The following CPXM2 variants were observed in gnomAD, a reference collection of about 807,000 sequenced individuals.
The protein encoded by CPXM2 is carboxypeptidase X, M14 family member 2, also known as inactive carboxypeptidase-like protein X2.
Under a neutral mutation model 86.1 loss-of-function variants are expected in CPXM2, and 66 were observed. The ratio of observed to expected loss-of-function variants is 0.77; its 90% confidence interval spans 0.63 to 0.94. The LOEUF is 0.94. Among genes scored for constraint, CPXM2 ranks in the 40% least tolerant of loss-of-function variants. The pLI is 0.00. For synonymous variants in CPXM2, 388 were observed against 400.2 expected, an observed-to-expected ratio of 0.97 and a Z score of 0.36; for missense variants, 948 against 1,026.3, an observed-to-expected ratio of 0.92 and a Z score of 1.04.
chr10:123,913,608 GA>G (rs1945508286), intron 2 of CPXM2: 1 of 168,924 alleles, frequency 5.9e-6, no homozygotes, highest in Non-Finnish European at 1.3e-5. Context: ...AATAGATGAG[GA>G]AATCAGGGCA....
chr10:123,761,695 G>A (rs1846342086), intron 11 of CPXM2, among the ~76,000 whole-genome samples, 177 bp downstream of exon 11: 2 of 152,154 alleles, frequency 1.3e-5, no homozygotes, highest in Non-Finnish European at 2.9e-5. Flanking sequence ...CTGGGGCAAG[G>A]ATGGAAGGAG....
intron 2 of CPXM2, among the ~76,000 whole-genome samples, chr10:123,936,843 T>G (rs1483869916): frequency 1.3e-5 from 2 of 152,154 alleles, no homozygotes; most frequent in African/African-American, 4.8e-5. Flanking sequence ...TTCCTCTTCC[T>G]CTGTGGGTAG....
At chr10:123,813,200 C>T (rs1847732798) in intron 4 of CPXM2, among the ~76,000 whole-genome samples, 1 of 152,092 alleles carries the variant, frequency 6.6e-6, no homozygotes, top group South Asian at 2.1e-4. Flanking sequence ...TTCTTCTTTC[C>T]TTGAAAGAGC....
intron 4 of CPXM2, among the ~76,000 whole-genome samples, chr10:123,841,988 T>A (rs1168269014): frequency 6.6e-6 from 1 of 152,246 alleles, no homozygotes; most frequent in Non-Finnish European, 1.5e-5. Context: ...GTGTACTCAC[T>A]GTTTGTCCAG....
chr10:123,872,045 C>A (rs930232199), intron 2 of CPXM2, among the ~76,000 whole-genome samples: 1 of 152,112 alleles, frequency 6.6e-6, no homozygotes, highest in Admixed American at 6.5e-5. Context: ...TAAAGGCTGA[C>A]AATATCAAAT....
chr10:123,801,490 TC>T (rs1847457435), intron 4 of CPXM2, among the ~76,000 whole-genome samples: 1 of 152,006 alleles, frequency 6.6e-6, no homozygotes, highest in South Asian at 2.1e-4. Context: ...CAATTTTAAC[TC>T]CCGCATTTTC....
intron 11 of CPXM2, among the ~76,000 whole-genome samples, chr10:123,759,328 C>A (rs528600223): frequency 6.6e-6 from 1 of 152,290 alleles, no homozygotes; most frequent in East Asian, 1.9e-4. Flanking sequence ...TCACTTCCAC[C>A]CTTTTCGTCC....
intron 2 of CPXM2, among the ~76,000 whole-genome samples, chr10:123,866,240 T>C (rs964095737): frequency 7.2e-5 from 11 of 152,122 alleles, no homozygotes; most frequent in Admixed American, 7.2e-4. Flanking sequence ...GCACCGTCTA[T>C]GCCACTCAGC....
chr10:123,843,307 T>G (rs1848425474), intron 3 of CPXM2: 2 of 455,690 alleles, frequency 4.4e-6, no homozygotes, highest in Non-Finnish European at 8.8e-6. Context: ...CTCTGGAATT[T>G]TCTCTATATT....
At chr10:123,859,161 AAC>A (rs1345291239) in intron 3 of CPXM2, among the ~76,000 whole-genome samples, 2 of 152,250 alleles carry the variant, frequency 1.3e-5, no homozygotes, top group African/African-American at 2.4e-5. Context: ...TAGGGTATTA[AAC>A]ACAGTTTCTA....
chr10:123,943,796 C>G (rs1047557329), upstream of CPXM2, among the ~76,000 whole-genome samples: 6 of 152,148 alleles, frequency 3.9e-5, no homozygotes, highest in African/African-American at 7.2e-5. Context: ...AAACACAGTC[C>G]GTCTTGGGCC....
chr10:123,873,441 T>C (rs556156489), intron 2 of CPXM2, among the ~76,000 whole-genome samples: 17 of 152,348 alleles, frequency 1.1e-4, no homozygotes, highest in Non-Finnish European at 1.9e-4. Context: ...TTCTCCCAAA[T>C]TGATTCGTAA....
chr10:123,852,587 T>C (rs1458246880), intron 3 of CPXM2, among the ~76,000 whole-genome samples: 1 of 152,186 alleles, frequency 6.6e-6, no homozygotes, highest in African/African-American at 2.4e-5. Flanking sequence ...GTCCAGAACT[T>C]TCCAGGGCTC....
intron 2 of CPXM2, among the ~76,000 whole-genome samples, chr10:123,907,329 G>A (rs567424194): frequency 2.6e-5 from 4 of 152,368 alleles, no homozygotes; most frequent in Admixed American, 2.6e-4. Flanking sequence ...TTAGAAGAGA[G>A]ACTATTATTC....
intron 1 of CPXM2, among the ~76,000 whole-genome samples, chr10:123,882,353 C>T (rs1473163152): frequency 6.6e-6 from 1 of 152,186 alleles, no homozygotes; most frequent in East Asian, 1.9e-4. Flanking sequence ...CCCGACACTG[C>T]TTTGGCCTGT....
At chr10:123,858,928 G>A (rs932317790) in intron 3 of CPXM2, among the ~76,000 whole-genome samples, 13 of 152,276 alleles carry the variant, frequency 8.5e-5, no homozygotes, top group Admixed American at 1.3e-4. Flanking sequence ...ATTCCATGAC[G>A]GAGGAAGAGC....
At chr10:123,863,246 A>T (rs2134198068) in intron 2 of CPXM2, among the ~76,000 whole-genome samples, 1 of 152,332 alleles carries the variant, frequency 6.6e-6, no homozygotes, top group African/African-American at 2.4e-5. Context: ...GTCCGTAAGA[A>T]TGACAATGCT....
At chr10:123,839,211 A>G (rs564634643) in intron 4 of CPXM2, among the ~76,000 whole-genome samples, 1 of 152,270 alleles carries the variant, frequency 6.6e-6, no homozygotes, top group South Asian at 2.1e-4. Context: ...CCATTTTTAG[A>G]GAACAGGAAA....
chr10:123,833,638 C>T (rs988111868), intron 4 of CPXM2, among the ~76,000 whole-genome samples: 1 of 152,240 alleles, frequency 6.6e-6, no homozygotes, highest in African/African-American at 2.4e-5. Context: ...AATGAGGCAT[C>T]TCCTCTTCGC....
Sources: gnomAD v4.1 joint callset for allele counts (sites outside exome capture counted in the v4.1 genomes callset) on GRCh38, gnomAD v4.1.1 for gene constraint, MANE v1.5 for transcripts, NCBI Gene and HGNC (gene_info 2026-07-23, HGNC 2026-07-21) for gene names.